PCDH15: variants seen among roughly 807,000 people sequenced by gnomAD.
PCDH15 encodes the protein protocadherin related 15.
PCDH15 carries 129 observed loss-of-function variants against 178.5 expected under a neutral mutation model. That is an observed-to-expected ratio of 0.72 (90% CI 0.63 to 0.84). PCDH15 has a LOEUF of 0.84. PCDH15 is among the 40% of genes least tolerant of loss of function. The pLI is 0.00. For missense variants in PCDH15, 2,230 were observed against 2,099.9 expected, an observed-to-expected ratio of 1.06 and a Z score of -1.21; for synonymous variants, 800 against 732.0, an observed-to-expected ratio of 1.09 and a Z score of -1.50.
rs957945054 is a variant in PCDH15 at position 54,317,435 on chromosome 10, C to A, written c.712G>T (p.Ala238Ser). ...YFVIIQANDR[A>S]QNLNERRTTT... ...GTTCGCCTCTCATTCAGATTTTGGG[C>A]ACGGTCCTGTTAGGGAGAAAAACAA... The change falls in exon 8 of 38, where the codon GCC (alanine) becomes TCC (serine). Residue 238 changes from alanine to serine, a missense_variant. Coordinates refer to ENST00000644397, the MANE Select transcript of PCDH15 (RefSeq NM_001384140.1). The A allele has an allele frequency of 1.9e-6, 3 of 1,613,752 alleles. No individual in the cohort carries two copies. Among genetic ancestry groups the A allele is most frequent in the Non-Finnish European group, 2.5e-6 (3 of 1,179,828 alleles).
intron 21 of PCDH15, among the ~76,000 whole-genome samples, chr10:53,973,370 A>G (rs2089920679): frequency 6.6e-6 from 1 of 151,942 alleles, no homozygotes; most frequent in Admixed American, 6.6e-5. Context: ...CAGCACACCA[A>G]CGTGGCACAT....
chr10:53,825,105 C>G, intron 32 of PCDH15: 1 of 1,524,482 alleles, frequency 6.6e-7, no homozygotes, highest in South Asian at 1.3e-5. Context: ...TTTTCTAACG[C>G]TCTTCTATTA....
At chr10:54,725,550 A>AT (rs564916856) in intron 1 of PCDH15, among the ~76,000 whole-genome samples, 1,630 of 127,300 alleles carry the variant, frequency 0.013, 39 homozygotes, top group African/African-American at 0.033. Context: ...TTATATATAT[A>AT]ATTATATATA....
intron 3 of PCDH15, among the ~76,000 whole-genome samples, chr10:54,875,183 A>T (rs1954117175): frequency 6.6e-6 from 1 of 152,166 alleles, no homozygotes; most frequent in South Asian, 2.1e-4. Context: ...GATCATTGTG[A>T]TTACATGTGT....
chr10:54,259,987 G>A (rs1357860902), intron 8 of PCDH15, among the ~76,000 whole-genome samples: 1 of 152,108 alleles, frequency 6.6e-6, no homozygotes, highest in East Asian at 1.9e-4. Flanking sequence ...GGTAGTAACA[G>A]GAGCACAGCC....
At chr10:53,958,233 C>A (rs1472475343) in intron 23 of PCDH15, among the ~76,000 whole-genome samples, 1 of 152,130 alleles carries the variant, frequency 6.6e-6, no homozygotes, top group Non-Finnish European at 1.5e-5. Context: ...TTATCATCAT[C>A]CAACTTTCAA....
chr10:55,106,646 C>T (rs914983068), intron 2 of PCDH15, among the ~76,000 whole-genome samples: 3 of 152,114 alleles, frequency 2.0e-5, no homozygotes, highest in Non-Finnish European at 2.9e-5. Flanking sequence ...GAACTCCTGA[C>T]CTCAGGTGAT....
rs991170164 is a variant in PCDH15, at chr10:53,848,248, T to TA, written c.3807-7753dup. Among the ~76,000 whole-genome samples the TA allele has an allele frequency of 4.0e-3, 555 of 139,648 alleles. 1 individual carries two copies. The highest frequency in any genetic ancestry group is 0.011 in the African/African-American group (404 of 38,166). 91.6% of individuals were successfully genotyped at this position (139,648 alleles called of 152,430 possible). On this transcript the variant is annotated intron_variant, in intron 28 of 37. Transcript: ENST00000644397. ...TCAATTTGACAAAACTTCTAGGTTA[T>TA]AAAAAAAAAAAGAGGAGGAAGAGAG...
intron 2 of PCDH15, among the ~76,000 whole-genome samples, chr10:55,049,047 C>T (rs1176316070): frequency 6.6e-6 from 1 of 151,882 alleles, no homozygotes; most frequent in Non-Finnish European, 1.5e-5. Flanking sequence ...CTGCACTCAT[C>T]CACTCAAATT....
intron 32 of PCDH15, among the ~76,000 whole-genome samples, chr10:53,824,435 G>C (rs574115773): frequency 1.5e-3 from 230 of 152,192 alleles, no homozygotes; most frequent in South Asian, 3.7e-3. Context: ...ATTCTGAATA[G>C]AAATTAACTA....
intron 5 of PCDH15, among the ~76,000 whole-genome samples, chr10:54,367,754 T>C (rs1471111878): frequency 6.6e-6 from 1 of 151,868 alleles, no homozygotes; most frequent in Non-Finnish European, 1.5e-5. Flanking sequence ...CGTGTATACC[T>C]ATGTAACAAA....
chr10:53,838,825 A>C (rs2077462648), intron 29 of PCDH15, among the ~76,000 whole-genome samples: 1 of 152,176 alleles, frequency 6.6e-6, no homozygotes, highest in South Asian at 2.1e-4. Flanking sequence ...TGACTATAAA[A>C]TCAGAGTGCG....
At chr10:53,941,598 C>T (rs546056402) in intron 23 of PCDH15, among the ~76,000 whole-genome samples, 2 of 152,140 alleles carry the variant, frequency 1.3e-5, no homozygotes, top group Admixed American at 6.5e-5. Context: ...CAAGTTTTGG[C>T]AATTATGACT....
chr10:55,334,384 C>T lies in PCDH15; in HGVS notation c.-155-167733G>A, dbSNP rs533296730. 2.9e-4 allele frequency among the ~76,000 whole-genome samples: 43 copies of T among 149,078 alleles called. No homozygotes were observed. In the East Asian group the frequency reaches 7.1e-3, roughly 25 times the overall value. On this transcript the variant is annotated intron_variant, in intron 2 of 5. Transcript: ENST00000613346. ...GTGCAATGGCGTGATCTCGGCTCACCGCAACCTCTGTCTCCCGGGTTCAAG... is the reference window on the plus strand; with the variant it reads ...GTGCAATGGCGTGATCTCGGCTCACTGCAACCTCTGTCTCCCGGGTTCAAG...
At chr10:55,194,457 T>C (rs1403962558) in intron 1 of PCDH15, among the ~76,000 whole-genome samples, 1 of 152,032 alleles carries the variant, frequency 6.6e-6, no homozygotes, top group Non-Finnish European at 1.5e-5. Context: ...AACAGAGGCA[T>C]CAACAGAATA....
chr10:54,133,090 G>A lies in PCDH15; in HGVS notation c.1785-83C>T. On this transcript the variant is annotated intron_variant, in intron 14 of 37. Transcript: ENST00000644397. The stretch of plus-strand genomic sequence containing the variant: ...GACTGCATTGTTTATTCAGTTGTTG[G>A]GTTTACAGGAGAAAAAATTTCCAAA... 5 of 1,581,762 alleles carry A rather than the reference G, an allele frequency of 3.2e-6. No individual in the cohort carries two copies. The Admixed American group carries it at 8.5e-5, about 27-fold the overall frequency.
chr10:55,337,569 G>A (rs183624331), intron 2 of PCDH15, among the ~76,000 whole-genome samples: 1,595 of 152,264 alleles, frequency 0.01, 18 homozygotes, highest in African/African-American at 0.034. Flanking sequence ...CAAGGGATTA[G>A]TTTATAAATT....
chr10:54,414,966 T>C (rs546152207), intron 3 of PCDH15, among the ~76,000 whole-genome samples: 1 of 152,060 alleles, frequency 6.6e-6, no homozygotes, highest in Non-Finnish European at 1.5e-5. Context: ...GAAAAAAAAT[T>C]GGTAAGTATT....
intron 3 of PCDH15, among the ~76,000 whole-genome samples, chr10:54,836,467 G>A (rs1348442952): frequency 2.6e-5 from 4 of 152,042 alleles, no homozygotes; most frequent in South Asian, 4.1e-4. Flanking sequence ...TATATTTGTT[G>A]AGGAGAAGTA....
Sources: allele counts gnomAD v4.1 joint callset (sites outside exome capture counted in the v4.1 genomes callset), GRCh38; gene constraint gnomAD v4.1.1; transcripts MANE v1.5; gene names NCBI Gene and HGNC (gene_info 2026-07-23, HGNC 2026-07-21).